SLC25A26: variants seen among roughly 807,000 people sequenced by gnomAD.
The protein encoded by SLC25A26 is solute carrier family 25 member 26.
A neutral mutation model predicts 37.8 loss-of-function variants in SLC25A26; 36 were observed. That is an observed-to-expected ratio of 0.95 (90% confidence interval 0.73 to 1.26). The LOEUF is 1.26. Ranked by LOEUF, SLC25A26 falls within the 50% of genes most tolerant of loss-of-function variation. The pLI, the probability that SLC25A26 is intolerant of heterozygous loss-of-function variation, is 0.00. For missense variants in SLC25A26, 390 were observed against 331.1 expected, an observed-to-expected ratio of 1.18 and a Z score of -1.38; for synonymous variants, 129 against 122.5, an observed-to-expected ratio of 1.05 and a Z score of -0.35.
intron 5 of SLC25A26, among the ~76,000 whole-genome samples, chr3:66,338,798 T>C (rs2076146049): frequency 6.6e-6 from 1 of 152,042 alleles, no homozygotes; most frequent in African/African-American, 2.4e-5. Flanking sequence ...TTGCCTGTTC[T>C]AGATATTTCA....
At chr3:66,289,680 ATG>A (rs1278585859) in intron 5 of SLC25A26, among the ~76,000 whole-genome samples, 1 of 151,848 alleles carries the variant, frequency 6.6e-6, no homozygotes, top group African/African-American at 2.4e-5. Flanking sequence ...GGGTTTGTAT[ATG>A]TGTTTTGGTA....
At chr3:66,377,660 C>T in intron 9 of SLC25A26, 30 bp from the exon 10 acceptor site, 6 of 1,552,926 alleles carry the variant, frequency 3.9e-6, no homozygotes, top group Non-Finnish European at 4.4e-6. Context: ...AAAATACGCA[C>T]AACATTAAAA....
At chr3:66,163,644 C>T (rs528359931) in intron 1 of SLC25A26, among the ~76,000 whole-genome samples, 1 of 152,168 alleles carries the variant, frequency 6.6e-6, no homozygotes, top group Non-Finnish European at 1.5e-5. Flanking sequence ...GCCTGGCCAG[C>T]CTGAGACAGA....
chr3:66,353,837 T>C (rs1357241135), intron 6 of SLC25A26, among the ~76,000 whole-genome samples: 1 of 152,234 alleles, frequency 6.6e-6, no homozygotes, highest in African/African-American at 2.4e-5. Flanking sequence ...CACGTGCTTG[T>C]GTTTAACTCC....
At chr3:66,284,338 T>C (rs892843085) in intron 5 of SLC25A26, among the ~76,000 whole-genome samples, 9 of 152,124 alleles carry the variant, frequency 5.9e-5, no homozygotes, top group African/African-American at 2.2e-4. Flanking sequence ...AATAGAGCAA[T>C]GTTAGAAAGA....
intron 1 of SLC25A26, among the ~76,000 whole-genome samples, chr3:66,224,023 A>G (rs943585813): frequency 3.3e-5 from 5 of 152,244 alleles, no homozygotes; most frequent in African/African-American, 1.2e-4. Flanking sequence ...ACTAGTCTGC[A>G]GCCATAAAAA....
At chr3:66,278,945 A>G (rs2074247196) in intron 5 of SLC25A26, among the ~76,000 whole-genome samples, 1 of 152,142 alleles carries the variant, frequency 6.6e-6, no homozygotes, top group South Asian at 2.1e-4. Flanking sequence ...TGTTTGTATT[A>G]TTGAGAAGAC....
In SLC25A26 at chr3:66,154,890, G is replaced by A. The variant is rs780237623; in HGVS notation, c.-354+20906G>A. Among the ~76,000 whole-genome samples the A allele has an allele frequency of 8.1e-4, 124 of 152,272 alleles. No homozygotes were observed. The Middle Eastern group carries it at 0.024, about 29-fold the overall frequency. ...ACCAATCTCATGGAATCATTTTGAA[G>A]GTAAAATCAGATAAAGTATGTATCA... On this transcript the variant is annotated intron_variant, in intron 1 of 10. Coordinates refer to the SLC25A26 transcript ENST00000676754.
At position 66,181,361 on chromosome 3, in the gene SLC25A26, C is replaced by T. The variant is rs2070702534; in HGVS notation, c.-353-39381C>T. Among the ~76,000 whole-genome samples the T allele has an allele frequency of 3.9e-5, 6 of 152,234 alleles. No individual in the cohort carries two copies. The South Asian group carries it at 1.2e-3, about 32-fold the overall frequency. On this transcript the variant is annotated intron_variant, in intron 1 of 10. Coordinates refer to the SLC25A26 transcript ENST00000676754. ...AAATTACTTTGTGTCTTTATGTTTC[C>T]TCATCTGTAGGAGAGTAACAATAAC...
rs538107910 is a variant in SLC25A26, at chr3:66,310,915, G to T, written c.454-35449G>T. 4.6e-5 allele frequency among the ~76,000 whole-genome samples: 7 copies of T among 152,248 alleles called. 1 individual carries two copies. In the South Asian group the frequency reaches 1.5e-3, roughly 32 times the overall value. ...GGTAGCCTGACCTTTCTCTCCGGCT[G>T]CCCTTAACATTTTTTCCTTCCTTTC... On this transcript the variant is annotated intron_variant, in intron 5 of 9. Coordinates refer to ENST00000354883, the MANE Select transcript of SLC25A26 (RefSeq NM_001379210.1).
intron 5 of SLC25A26, among the ~76,000 whole-genome samples, chr3:66,266,577 T>C (rs1048370027): frequency 1.2e-5 from 1 of 82,350 alleles, no homozygotes; most frequent in Admixed American, 1.5e-4. Flanking sequence ...GTTGTCACAC[T>C]TTTTTTTTTT....
In SLC25A26 at chr3:66,281,793, T is replaced by C. The variant is rs571576666; in HGVS notation, c.453+18414T>C. The stretch of plus-strand genomic sequence containing the variant: ...GTGGGGAGCCTCTTCAGCCTACTTC[T>C]GTGTTCATGTGACATTTCCCCGTTA... On this transcript the variant is annotated intron_variant, in intron 5 of 9. Transcript: ENST00000354883. 1.3e-4 allele frequency among the ~76,000 whole-genome samples: 19 copies of C among 150,938 alleles called. No homozygotes were observed. The South Asian group carries it at 4.0e-3, about 31-fold the overall frequency.
At chr3:66,262,847 C>G (rs2073585116) in intron 4 of SLC25A26, among the ~76,000 whole-genome samples, 1 of 152,182 alleles carries the variant, frequency 6.6e-6, no homozygotes, top group Admixed American at 6.5e-5. Context: ...TCTGGAAATA[C>G]TGACCACTAG....
intron 3 of SLC25A26, among the ~76,000 whole-genome samples, chr3:66,254,102 G>C (rs969642226): frequency 2.6e-5 from 4 of 152,150 alleles, no homozygotes; most frequent in Non-Finnish European, 4.4e-5. Context: ...TTATAAGGGG[G>C]AAAGGTTTGA....
intron 6 of SLC25A26, 125 bp from the exon 7 acceptor site, chr3:66,362,735 C>T: frequency 1.8e-6 from 1 of 546,752 alleles, no homozygotes; most frequent in Non-Finnish European, 3.2e-6. Flanking sequence ...TCACTTATGT[C>T]ATCAGTAAAG....
intron 1 of SLC25A26, among the ~76,000 whole-genome samples, chr3:66,180,392 A>G (rs965447805): frequency 1.9e-4 from 29 of 152,218 alleles, no homozygotes; most frequent in Non-Finnish European, 4.3e-4. Flanking sequence ...GGGGCAGGGA[A>G]CATGCCGCAG....
intron 9 of SLC25A26, among the ~76,000 whole-genome samples, chr3:66,375,208 G>A (rs1373067951): frequency 6.6e-6 from 1 of 152,186 alleles, no homozygotes; most frequent in South Asian, 2.1e-4. Flanking sequence ...GGAAGCTGCA[G>A]GGTTTGAAGT....
chr3:66,182,410 T>A (rs2070729112), intron 1 of SLC25A26, among the ~76,000 whole-genome samples: 1 of 152,012 alleles, frequency 6.6e-6, no homozygotes, highest in African/African-American at 2.4e-5. Flanking sequence ...TTATGGCAAT[T>A]CCCAATGAAA....
intron 5 of SLC25A26, among the ~76,000 whole-genome samples, chr3:66,310,248 A>G (rs1326307537): frequency 6.6e-6 from 1 of 152,198 alleles, no homozygotes; most frequent in South Asian, 2.1e-4. Context: ...CTTTGCCGTT[A>G]TGTAATGCCT....
Sources: gnomAD v4.1 joint callset for allele counts (sites outside exome capture counted in the v4.1 genomes callset) on GRCh38, gnomAD v4.1.1 for gene constraint, MANE v1.5 for transcripts, NCBI Gene and HGNC (gene_info 2026-07-23, HGNC 2026-07-21) for gene names.